The following PRDM15 variants were observed in gnomAD, a reference collection of about 807,000 sequenced individuals.
PRDM15 encodes the protein PR/SET domain 15.
Under a neutral mutation model 128.6 loss-of-function variants are expected in PRDM15, and 64 were observed. The observed-to-expected ratio is 0.50, with a 90% confidence interval of 0.41 to 0.61. PRDM15 has a LOEUF of 0.61. Ranked by LOEUF, PRDM15 falls within the 20% of genes least tolerant of loss-of-function variation. PRDM15 has a pLI of 0.00. For missense variants in PRDM15, 1,242 were observed against 1,569.1 expected, an observed-to-expected ratio of 0.79 and a Z score of 3.52; for synonymous variants, 615 against 621.8, an observed-to-expected ratio of 0.99 and a Z score of 0.16.
chr21:41,838,201 GA>G (rs150670301), intron 7 of PRDM15, 138 bp from the exon 8 acceptor site: 7,821 of 695,690 alleles, frequency 0.011, 275 homozygotes, highest in African/African-American at 0.11. Context: ...TTACAGAGGG[GA>G]AAAAAAAAAC....
rs567352244 is a variant in PRDM15, at chr21:41,807,141, C to T, written c.2653-2527G>A. On this transcript the variant is annotated intron_variant, in intron 21 of 23. Transcript: ENST00000398548. The stretch of plus-strand genomic sequence containing the variant: ...CCTAGTCACACAGTCTGAAAGCTGA[C>T]GCCATCAAAGAACCACCATAGAAGC... Among the ~76,000 whole-genome samples the T allele has an allele frequency of 1.2e-4, 18 of 152,330 alleles. No homozygotes were observed. The South Asian group carries it at 2.1e-3, about 18-fold the overall frequency.
intron 1 of PRDM15, among the ~76,000 whole-genome samples, chr21:41,878,357 G>T (rs917606555): frequency 3.9e-5 from 6 of 152,216 alleles, no homozygotes; most frequent in Admixed American, 6.5e-5. Flanking sequence ...ATTTGTGGGG[G>T]AAAAAACCAT....
At chr21:41,865,132 GTCCCCAC>G (rs1213544280) in intron 1 of PRDM15, among the ~76,000 whole-genome samples, 9 of 110,136 alleles carry the variant, frequency 8.2e-5, no homozygotes, top group Admixed American at 7.2e-4. Context: ...TCACTCCTCA[GTCCCCAC>G]TCCCCACTCC....
chr21:41,869,406 G>A (rs1009208132), intron 1 of PRDM15, among the ~76,000 whole-genome samples: 5 of 151,214 alleles, frequency 3.3e-5, no homozygotes, highest in East Asian at 1.9e-4. Flanking sequence ...TCAGCCTTCC[G>A]AGTTGTTAGA....
At chr21:41,803,414 C>T (rs1473216076) in intron 22 of PRDM15, among the ~76,000 whole-genome samples, 1 of 152,222 alleles carries the variant, frequency 6.6e-6, no homozygotes, top group African/African-American at 2.4e-5. Context: ...CAGTGGGCCC[C>T]TCCCCGCACG....
rs748741564 is a variant in PRDM15, at chr21:41,826,000, C to A, written c.1589G>T (p.Arg530Leu). ...GCACCCGGAAGGCTCCTTCTTGTAA[C>A]GGACCAGGTTCTCCCCACCGGCCTC... ...DLEAGGENLV[R>L]YKKEPSGCPV... Residue 530 changes from arginine to leucine, a missense_variant, in exon 13 of 24, where the codon CGT becomes CTT. Around this residue, in one of 3 missense-constraint regions of PRDM15, gnomAD observed 612 missense variants for 717.0 expected, o/e 0.85. Transcript: ENST00000398548. 1 of 1,614,126 alleles carries A rather than the reference C, an allele frequency of 6.2e-7. No individual in the cohort carries two copies. The highest frequency in any genetic ancestry group is 8.5e-7 in the Non-Finnish European group (1 of 1,180,014).
rs2063737909 is a variant in PRDM15 at position 41,859,269 on chromosome 21, G to A, written c.131+323C>T. The stretch of plus-strand genomic sequence containing the variant: ...AAGCCAACGAGCAGACCTCCAGCTT[G>A]GCTGCTGGTGCTCAGCACGTCAACC... On this transcript the variant is annotated intron_variant, in intron 3 of 23. Transcript: ENST00000398548. This position sits in a 1 kb window ranked among gnomAD's most constrained non-coding sequence, Gnocchi z 5.3. 1.3e-6 allele frequency: 2 copies of A among 1,586,138 alleles called. No individual in the cohort carries two copies. Among genetic ancestry groups the A allele is most frequent in the East Asian group, 4.5e-5 (2 of 44,538 alleles).
In PRDM15 at chr21:41,800,420, A is replaced by G. The variant is rs542717972; in HGVS notation, c.*820T>C. 3 of 152,656 alleles carry G rather than the reference A, an allele frequency of 2.0e-5. No homozygotes were observed. The highest frequency in any genetic ancestry group is 2.9e-5 in the Non-Finnish European group (2 of 68,030). 9.5% of individuals were successfully genotyped at this position (152,656 alleles called of 1,614,324 possible). ...AGGGACAGATGGTCCTACAGTGCAC[A>G]TGACTTTATCATGTTAACATAAAAC... On this transcript the variant is annotated 3_prime_UTR_variant, in exon 24 of 24. Coordinates refer to ENST00000398548, the MANE Select transcript of PRDM15 (RefSeq NM_001040424.3).
At chr21:41,817,254 G>A (rs556256304) in intron 18 of PRDM15, among the ~76,000 whole-genome samples, 3 of 152,308 alleles carry the variant, frequency 2.0e-5, no homozygotes, top group African/African-American at 7.2e-5. Context: ...TTCTAATCCC[G>A]AACAGGGGAT....
intron 11 of PRDM15, among the ~76,000 whole-genome samples, chr21:41,830,898 G>A (rs539984898): frequency 4.6e-5 from 7 of 152,340 alleles, no homozygotes; most frequent in African/African-American, 1.2e-4. Context: ...CACCTCGGGG[G>A]TCCTCACTGC....
intron 1 of PRDM15, chr21:41,867,399 C>A: frequency 6.4e-7 from 1 of 1,568,056 alleles, no homozygotes; most frequent in Non-Finnish European, 8.8e-7. Flanking sequence ...GAAAGGAAAG[C>A]AAGCTGAGGC....
intron 1 of PRDM15, among the ~76,000 whole-genome samples, chr21:41,877,873 TA>T (rs34037874): frequency 0.21 from 32,548 of 152,060 alleles, 3,714 homozygotes; most frequent in African/African-American, 0.3. Context: ...AAACAAACTA[TA>T]AAAAAAATGG....
At position 41,879,182 on chromosome 21, in the gene PRDM15, G is replaced by C. The variant is rs1189337406; in HGVS notation, c.-10+88C>G. On this transcript the variant is annotated intron_variant, in intron 1 of 23. Coordinates refer to ENST00000398548, the MANE Select transcript of PRDM15 (RefSeq NM_001040424.3). The surrounding 1 kb of genome is among the most constrained non-coding windows in gnomAD (Gnocchi z 5.1). ...GCGGGGGGCAGCGGGCCCAGGGCGCGCCGGGGCTCGCGGGGGCAGCGGGTG... is the reference window on the plus strand; with the variant it reads ...GCGGGGGGCAGCGGGCCCAGGGCGCCCCGGGGCTCGCGGGGGCAGCGGGTG... The C allele has an allele frequency of 1.2e-6, 1 of 833,478 alleles. No homozygotes were observed. Among genetic ancestry groups the C allele is most frequent in the Non-Finnish European group, 1.4e-6 (1 of 692,394 alleles). The allele number at this position is 833,478 out of a possible 1,614,324, so 51.6% of individuals were successfully genotyped here. A position where few individuals can be genotyped will look rare whatever the true frequency, so the allele number is the denominator to read the frequency against.
At chr21:41,850,423 A>G (rs2063393980) in intron 5 of PRDM15, among the ~76,000 whole-genome samples, 1 of 151,770 alleles carries the variant, frequency 6.6e-6, no homozygotes, top group African/African-American at 2.4e-5. Context: ...AACAAAATCA[A>G]TCTTAATGTG....
intron 12 of PRDM15, among the ~76,000 whole-genome samples, 166 bp downstream of exon 12, chr21:41,828,000 G>C (rs1351722514): frequency 6.6e-6 from 1 of 152,214 alleles, no homozygotes; most frequent in East Asian, 1.9e-4. Flanking sequence ...TCCTGAGACA[G>C]GTTCTCAGAA....
At position 41,802,760 on chromosome 21, in the gene PRDM15, T is replaced by C. The variant is rs1377797282; in HGVS notation, c.2895A>G (p.Thr965=). The change falls in exon 23 of 24, where the codon ACA becomes ACG. Residue 965 remains threonine, a synonymous_variant. Coordinates refer to ENST00000398548, the MANE Select transcript of PRDM15 (RefSeq NM_001040424.3). ...AATTGGTCTCGTCGCCTACACTGCC[T>C]GTGAACTCCGTCTCTTTCTCTGAGT... ...SEYSEKETEF[T]GSVGDETNSA... is the part of the protein sequence containing the mutation. 2 of 1,614,226 alleles carry C rather than the reference T, an allele frequency of 1.2e-6. No individual in the cohort carries two copies. Among genetic ancestry groups the C allele is most frequent in the South Asian group, 1.1e-5 (1 of 91,080 alleles).
intron 1 of PRDM15, chr21:41,861,540 C>CG (rs770588939): frequency 3.2e-6 from 5 of 1,564,036 alleles, no homozygotes; most frequent in South Asian, 1.2e-5. Flanking sequence ...CTCTGCCCCC[C>CG]CCCAATCCCC....
At chr21:41,831,755 C>T (rs5018397) in intron 11 of PRDM15, among the ~76,000 whole-genome samples, 27,908 of 152,106 alleles carry the variant, frequency 0.18, 3,517 homozygotes, top group African/African-American at 0.36. Context: ...GCTCCAACCA[C>T]GGCAGGACAG....
chr21:41,846,456 T>C (rs1297352463), intron 6 of PRDM15, among the ~76,000 whole-genome samples: 3 of 152,182 alleles, frequency 2.0e-5, no homozygotes, highest in African/African-American at 7.2e-5. Context: ...GTAAACCCAG[T>C]ACTTTGGGAG....
Sources: gnomAD v4.1 joint callset for allele counts (sites outside exome capture counted in the v4.1 genomes callset) on GRCh38, gnomAD v4.1.1 for gene constraint, gnomAD v4.1.1 regional missense constraint, Gnocchi (gnomAD v3.1) non-coding constraint, MANE v1.5 for transcripts, NCBI Gene and HGNC (gene_info 2026-07-23, HGNC 2026-07-21) for gene names.